The following GNA14 variants were observed in gnomAD, a reference collection of about 807,000 sequenced individuals.
GNA14 encodes the protein guanine nucleotide-binding protein subunit alpha-14.
GNA14 carries 50 observed loss-of-function variants against 42.0 expected under a neutral mutation model. The ratio of observed to expected loss-of-function variants is 1.19; its 90% CI spans 0.95 to 1.51. GNA14 has a LOEUF of 1.51. GNA14 is among the 40% of genes most tolerant of loss of function. The pLI is 0.00. For missense variants in GNA14, 473 were observed against 446.2 expected (o/e 1.06, Z -0.54); for synonymous variants, 173 against 163.1 (o/e 1.06, Z -0.46).
intron 1 of GNA14, among the ~76,000 whole-genome samples, chr9:77,549,763 G>A (rs565475315): frequency 3.3e-5 from 5 of 152,154 alleles, no homozygotes; most frequent in Admixed American, 1.3e-4. Flanking sequence ...ACCTCATTTC[G>A]GCCCTCTTTC....
intron 5 of GNA14, among the ~76,000 whole-genome samples, chr9:77,428,335 T>C (rs1411683966): frequency 6.6e-6 from 1 of 151,974 alleles, no homozygotes; most frequent in Non-Finnish European, 1.5e-5. Flanking sequence ...TGCCTCGGCC[T>C]CCCAAAGTGC....
chr9:77,606,565 C>T lies in GNA14; in HGVS notation c.124+41105G>A, dbSNP rs1386663847. Among the ~76,000 whole-genome samples, 5 of 152,302 alleles carry T rather than the reference C, an allele frequency of 3.3e-5. No homozygotes were observed. The East Asian group carries it at 9.6e-4, about 29-fold the overall frequency. ...TGAAATCTGTGTTTAGATGCTATGT[C>T]TCATGCATACTGGTAATGCTCAGTG... On this transcript the variant is annotated intron_variant, in intron 1 of 6. Transcript: ENST00000341700.
At chr9:77,537,906 C>T (rs1837616000) in intron 1 of GNA14, among the ~76,000 whole-genome samples, 1 of 152,054 alleles carries the variant, frequency 6.6e-6, no homozygotes. Context: ...TATTCTTAGC[C>T]CACTTTTTAA....
At chr9:77,430,022 G>A (rs1484334606) in intron 4 of GNA14, among the ~76,000 whole-genome samples, 1 of 152,052 alleles carries the variant, frequency 6.6e-6, no homozygotes, top group Non-Finnish European at 1.5e-5. Flanking sequence ...CTGGAAAAGT[G>A]CAGGAAGGAA....
chr9:77,480,930 C>A (rs1467063784), intron 2 of GNA14, among the ~76,000 whole-genome samples: 2 of 151,816 alleles, frequency 1.3e-5, no homozygotes, highest in Non-Finnish European at 2.9e-5. Flanking sequence ...CTATTTGATT[C>A]TTCTCTCTTT....
chr9:77,565,490 C>T (rs1349933533), intron 1 of GNA14, among the ~76,000 whole-genome samples: 3 of 152,170 alleles, frequency 2.0e-5, no homozygotes, highest in Non-Finnish European at 4.4e-5. Context: ...CAGAGTCTCA[C>T]TCTGTTGCCC....
chr9:77,505,105 T>C (rs1184780571), intron 2 of GNA14, among the ~76,000 whole-genome samples: 3 of 152,188 alleles, frequency 2.0e-5, no homozygotes, highest in Non-Finnish European at 4.4e-5. Flanking sequence ...AAATAACCCA[T>C]ATCTGCTTTT....
At chr9:77,460,096 G>C (rs72730875) in intron 2 of GNA14, among the ~76,000 whole-genome samples, 1 of 152,136 alleles carries the variant, frequency 6.6e-6, no homozygotes. Flanking sequence ...GAGCTGAATC[G>C]TGTCTCCATC....
chr9:77,575,272 A>T (rs527560030), intron 1 of GNA14, among the ~76,000 whole-genome samples: 5 of 152,136 alleles, frequency 3.3e-5, no homozygotes, highest in South Asian at 2.1e-4. Flanking sequence ...AATCCCAGCT[A>T]CTCAGAAGCG....
At chr9:77,551,284 G>A (rs1837782406) in intron 1 of GNA14, among the ~76,000 whole-genome samples, 1 of 151,662 alleles carries the variant, frequency 6.6e-6, no homozygotes, top group Non-Finnish European at 1.5e-5. Flanking sequence ...TTCAAATTTT[G>A]AATCTTCAAT....
chr9:77,456,902 AT>A (rs2131708113), intron 2 of GNA14, among the ~76,000 whole-genome samples: 1 of 152,380 alleles, frequency 6.6e-6, no homozygotes, highest in East Asian at 1.9e-4. Context: ...ATGAAAAAAA[AT>A]AAACACAGCT....
At chr9:77,505,540 A>G (rs1837054657) in intron 2 of GNA14, among the ~76,000 whole-genome samples, 1 of 152,222 alleles carries the variant, frequency 6.6e-6, no homozygotes, top group Non-Finnish European at 1.5e-5. Context: ...TTGAGGACAC[A>G]GCAGTGTCTG....
chr9:77,438,413 AC>A (rs1300672532), intron 2 of GNA14, among the ~76,000 whole-genome samples: 3 of 151,838 alleles, frequency 2.0e-5, no homozygotes, highest in African/African-American at 7.3e-5. Flanking sequence ...GATTACAGGC[AC>A]CCGCCACCAC....
At chr9:77,562,897 GATC>G (rs1283733352) in intron 1 of GNA14, among the ~76,000 whole-genome samples, 1 of 152,074 alleles carries the variant, frequency 6.6e-6, no homozygotes, top group African/African-American at 2.4e-5. Context: ...TTCCTGAATA[GATC>G]ATCTTCAGAT....
chr9:77,624,502 G>A (rs531980379), intron 1 of GNA14, among the ~76,000 whole-genome samples: 1 of 152,158 alleles, frequency 6.6e-6, no homozygotes, highest in Non-Finnish European at 1.5e-5. Flanking sequence ...GGGGTCGACA[G>A]ACACCTCATA....
intron 2 of GNA14, among the ~76,000 whole-genome samples, chr9:77,496,691 C>T (rs183033767): frequency 2.6e-5 from 4 of 152,298 alleles, no homozygotes; most frequent in African/African-American, 9.6e-5. Flanking sequence ...TCAGAGATGT[C>T]TGCATGGAGG....
intron 1 of GNA14, among the ~76,000 whole-genome samples, chr9:77,554,338 T>C (rs1822730536): frequency 6.6e-6 from 1 of 152,214 alleles, no homozygotes; most frequent in South Asian, 2.1e-4. Flanking sequence ...GCGAACAGTG[T>C]TTCATTATTT....
At chr9:77,538,103 T>C (rs557146890) in intron 1 of GNA14, among the ~76,000 whole-genome samples, 1 of 149,560 alleles carries the variant, frequency 6.7e-6, no homozygotes, top group Non-Finnish European at 1.5e-5. Flanking sequence ...CAAGGTTTCA[T>C]TCTGTTGCCC....
rs112563210 is a variant in GNA14 at position 77,592,996 on chromosome 9, A to G, written c.124+54674T>C. On this transcript the variant is annotated intron_variant, in intron 1 of 6. Coordinates refer to ENST00000341700, the MANE Select transcript of GNA14 (RefSeq NM_004297.4). ...CTGGGCTGGGCTGTTTCAATGATCA[A>G]TTATTCCTAGAAAAAGGCATTAAGG... 1.4e-3 allele frequency among the ~76,000 whole-genome samples: 220 copies of G among 152,240 alleles called. 2 individuals carry two copies. The highest frequency in any genetic ancestry group is 4.2e-3 in the African/African-American group (174 of 41,548).
Sources: allele counts gnomAD v4.1 joint callset (sites outside exome capture counted in the v4.1 genomes callset), GRCh38; gene constraint gnomAD v4.1.1; transcripts MANE v1.5; gene names NCBI Gene and HGNC (gene_info 2026-07-23, HGNC 2026-07-21).